The following SGCZ variants were observed in gnomAD, a reference collection of about 807,000 sequenced individuals.
The protein encoded by SGCZ is zeta-sarcoglycan.
Under a neutral mutation model 41.3 loss-of-function variants are expected in SGCZ, and 40 were observed. The ratio of observed to expected loss-of-function variants is 0.97; its 90% CI spans 0.75 to 1.26. The LOEUF is 1.26. SGCZ is among the 50% of genes most tolerant of loss of function. The probability of loss-of-function intolerance (pLI) is 0.00; values close to 1 mark genes in which losing one functional copy is unlikely to be tolerated. For missense variants in SGCZ, 552 were observed against 369.8 expected, an observed-to-expected ratio of 1.49 and a Z score of -4.04; for synonymous variants, 206 against 137.5, an observed-to-expected ratio of 1.50 and a Z score of -3.49.
chr8:14,551,530 TA>T (rs1803839708), intron 2 of SGCZ, among the ~76,000 whole-genome samples: 1 of 4,006 alleles, frequency 2.5e-4, no homozygotes, highest in Admixed American at 5.0e-3. Context: ...ATATAATATA[TA>T]TAATATATAT....
At chr8:14,596,402 G>A (rs10106070) in intron 1 of SGCZ, among the ~76,000 whole-genome samples, 26,901 of 151,784 alleles carry the variant, frequency 0.18, 2,802 homozygotes, top group Non-Finnish European at 0.23. Context: ...TTTATCACTC[G>A]GCAATAAAAA....
intron 1 of SGCZ, among the ~76,000 whole-genome samples, chr8:15,080,835 G>A (rs543949551): frequency 2.0e-5 from 3 of 152,024 alleles, no homozygotes; most frequent in African/African-American, 4.8e-5. Flanking sequence ...CTCAAGATCC[G>A]CCCACCTTGG....
intron 2 of SGCZ, among the ~76,000 whole-genome samples, chr8:14,478,132 G>C (rs1247380122): frequency 6.6e-6 from 1 of 152,198 alleles, no homozygotes; most frequent in Non-Finnish European, 1.5e-5. Flanking sequence ...AGACAGTTTG[G>C]CAGCATTTTT....
intron 3 of SGCZ, among the ~76,000 whole-genome samples, chr8:14,239,357 T>A (rs1806889141): frequency 6.6e-6 from 1 of 152,110 alleles, no homozygotes; most frequent in Non-Finnish European, 1.5e-5. Context: ...CACATTTGAA[T>A]ATTTGAATGT....
At chr8:14,466,056 C>CT (rs1287085250) in intron 2 of SGCZ, among the ~76,000 whole-genome samples, 3 of 151,890 alleles carry the variant, frequency 2.0e-5, no homozygotes, top group African/African-American at 7.2e-5. Flanking sequence ...TTACTGATAT[C>CT]TTTATCTCTT....
In SGCZ at chr8:14,712,285, C is replaced by T. The variant is rs933680215; in HGVS notation, c.40-157359G>A. ...CCGTCCTGAAACCCTTGCAGGCTGG[C>T]GCTGCCTGGTTGATGAAATGCTGTC... On this transcript the variant is annotated intron_variant, in intron 1 of 7. Coordinates refer to ENST00000382080, the MANE Select transcript of SGCZ (RefSeq NM_139167.4). Among the ~76,000 whole-genome samples the T allele has an allele frequency of 3.9e-5, 6 of 152,190 alleles. No homozygotes were observed. In the East Asian group the frequency reaches 5.8e-4, roughly 15 times the overall value.
chr8:14,823,096 G>A (rs972598760), intron 1 of SGCZ, among the ~76,000 whole-genome samples: 2 of 143,172 alleles, frequency 1.4e-5, no homozygotes, highest in East Asian at 2.1e-4. Context: ...TGTAACTTTC[G>A]TGCAAAACAT....
At chr8:15,162,191 C>T (rs1015600481) in intron 1 of SGCZ, among the ~76,000 whole-genome samples, 7 of 152,112 alleles carry the variant, frequency 4.6e-5, no homozygotes, top group African/African-American at 1.4e-4. Context: ...TTTGTTAGAC[C>T]TGTTAAGAAA....
chr8:14,650,215 G>T (rs1404914492), intron 1 of SGCZ, among the ~76,000 whole-genome samples: 1 of 151,982 alleles, frequency 6.6e-6, no homozygotes, highest in Admixed American at 6.6e-5. Context: ...AGACACTACA[G>T]CCAGCAAATG....
intron 2 of SGCZ, among the ~76,000 whole-genome samples, chr8:14,445,640 T>A (rs1800409416): frequency 6.6e-6 from 1 of 152,170 alleles, no homozygotes; most frequent in African/African-American, 2.4e-5. Flanking sequence ...CACCTCATTA[T>A]CCTTGGACAT....
At chr8:15,095,621 C>G (rs1806318333) in intron 1 of SGCZ, among the ~76,000 whole-genome samples, 1 of 151,872 alleles carries the variant, frequency 6.6e-6, no homozygotes, top group Admixed American at 6.6e-5. Context: ...GAAATATACC[C>G]TCTGAACATT....
At chr8:15,089,192 A>T (rs1806060638) in intron 1 of SGCZ, among the ~76,000 whole-genome samples, 1 of 152,152 alleles carries the variant, frequency 6.6e-6, no homozygotes, top group African/African-American at 2.4e-5. Flanking sequence ...TAGTCTAATG[A>T]TTCGATATAA....
chr8:14,610,581 T>G (rs1805895652), intron 1 of SGCZ, among the ~76,000 whole-genome samples: 1 of 152,148 alleles, frequency 6.6e-6, no homozygotes, highest in African/African-American at 2.4e-5. Context: ...TTAATCTATC[T>G]GATGTCATCT....
At chr8:14,514,861 TAGAC>T (rs1159697246) in intron 2 of SGCZ, among the ~76,000 whole-genome samples, 1 of 148,456 alleles carries the variant, frequency 6.7e-6, no homozygotes, top group East Asian at 2.1e-4. Flanking sequence ...TATGAACCCA[TAGAC>T]AGAAATTACG....
At chr8:14,500,700 TA>T (rs766610581) in intron 2 of SGCZ, among the ~76,000 whole-genome samples, 61 of 152,042 alleles carry the variant, frequency 4.0e-4, no homozygotes, top group Non-Finnish European at 1.0e-4. Context: ...AAATGTTGAT[TA>T]TTTCCCATGT....
chr8:15,156,591 T>A (rs1799336139), intron 1 of SGCZ, among the ~76,000 whole-genome samples: 1 of 152,130 alleles, frequency 6.6e-6, no homozygotes, highest in South Asian at 2.1e-4. Context: ...ACGTCCATTA[T>A]CTCGTTGAAA....
At chr8:14,848,231 T>G (rs988963249) in intron 1 of SGCZ, among the ~76,000 whole-genome samples, 1 of 152,148 alleles carries the variant, frequency 6.6e-6, no homozygotes, top group African/African-American at 2.4e-5. Context: ...AAGGAAGCCA[T>G]AGCTGGTGTT....
At chr8:14,998,910 C>G (rs572663110) in intron 1 of SGCZ, among the ~76,000 whole-genome samples, 1 of 152,202 alleles carries the variant, frequency 6.6e-6, no homozygotes, top group African/African-American at 2.4e-5. Flanking sequence ...CACTATAGAA[C>G]TAAAATTATT....
intron 5 of SGCZ, among the ~76,000 whole-genome samples, chr8:14,136,458 T>C (rs1803201664): frequency 6.7e-6 from 1 of 150,280 alleles, no homozygotes; most frequent in South Asian, 2.1e-4. Flanking sequence ...AATACTGCGC[T>C]TTTCCAATGG....
Sources: allele counts gnomAD v4.1 joint callset (sites outside exome capture counted in the v4.1 genomes callset), GRCh38; gene constraint gnomAD v4.1.1; transcripts MANE v1.5; gene names NCBI Gene and HGNC (gene_info 2026-07-23, HGNC 2026-07-21).